ANGPT2: variants seen among roughly 807,000 people sequenced by gnomAD.
ANGPT2 encodes the protein angiopoietin-2.
ANGPT2 carries 28 observed loss-of-function variants against 62.9 expected under a neutral mutation model. The observed-to-expected ratio is 0.44, with a 90% CI of 0.33 to 0.61. ANGPT2 has a LOEUF of 0.61. ANGPT2 is among the 20% of genes least tolerant of loss of function. ANGPT2 has a pLI of 0.03. For synonymous variants in ANGPT2, 284 were observed against 207.8 expected (o/e 1.37, Z -3.15); for missense variants, 727 against 594.9 (o/e 1.22, Z -2.31).
intron 1 of ANGPT2, among the ~76,000 whole-genome samples, chr8:6,557,376 G>A (rs1226190959): frequency 6.6e-6 from 1 of 152,144 alleles, no homozygotes; most frequent in Non-Finnish European, 1.5e-5. Flanking sequence ...GGTGAGGTGT[G>A]GAAAGTGCTT....
intron 8 of ANGPT2, among the ~76,000 whole-genome samples, chr8:6,503,644 T>C (rs1812648215): frequency 6.6e-6 from 1 of 152,202 alleles, no homozygotes; most frequent in Non-Finnish European, 1.5e-5. Flanking sequence ...CCCAGCAACA[T>C]GGTGGGCTGG....
intron 5 of ANGPT2, among the ~76,000 whole-genome samples, chr8:6,515,909 T>C (rs1816179265): frequency 6.6e-6 from 1 of 152,188 alleles, no homozygotes; most frequent in South Asian, 2.1e-4. Flanking sequence ...ATTCCTGTTC[T>C]TTCATTTCCT....
chr8:6,538,102 A>G, intron 1 of ANGPT2, among the ~76,000 whole-genome samples: 1 of 152,000 alleles, frequency 6.6e-6, no homozygotes, highest in East Asian at 1.9e-4. Context: ...TCACACACAC[A>G]TACACGTTTT....
At chr8:6,538,124 G>A (rs1028194760) in intron 1 of ANGPT2, among the ~76,000 whole-genome samples, 1 of 151,702 alleles carries the variant, frequency 6.6e-6, no homozygotes. Context: ...CTATCCCAAT[G>A]ATCCATCCAT....
At chr8:6,526,308 C>T (rs776172671) in intron 3 of ANGPT2, among the ~76,000 whole-genome samples, 5 of 148,164 alleles carry the variant, frequency 3.4e-5, no homozygotes, top group African/African-American at 1.3e-4. Context: ...GTGACACATG[C>T]CTGTAGTCCC....
intron 1 of ANGPT2, among the ~76,000 whole-genome samples, chr8:6,533,285 C>T (rs1393992596): frequency 1.3e-5 from 2 of 152,200 alleles, no homozygotes; most frequent in Non-Finnish European, 2.9e-5. Flanking sequence ...CATTTCACTG[C>T]CATTGGTATA....
At position 6,521,428 on chromosome 8, in the gene ANGPT2, TGTTA is replaced by T. The variant is rs754117946; in HGVS notation, c.567-22_567-19del. ...CTAGGAAACTTGTAAGGAAAAGAAT[TGTTA>T]GTTAGTGAAGGCTATTCTAATGAAA... On this transcript the variant is annotated intron_variant, in intron 3 of 8. Coordinates refer to ENST00000629816, the MANE Select transcript of ANGPT2 (RefSeq NM_001118887.2). 223 of 1,535,920 alleles carry T rather than the reference TGTTA, an allele frequency of 1.5e-4. No homozygotes were observed. The highest frequency in any genetic ancestry group is 7.8e-4 in the African/African-American group (57 of 72,844).
chr8:6,550,541 C>G (rs998710038), intron 1 of ANGPT2, among the ~76,000 whole-genome samples: 1 of 152,208 alleles, frequency 6.6e-6, no homozygotes, highest in South Asian at 2.1e-4. Context: ...AGATTTTCCA[C>G]ATTTGTTCCC....
At chr8:6,505,887 A>G (rs1813575021) in intron 8 of ANGPT2, among the ~76,000 whole-genome samples, 1 of 121,966 alleles carries the variant, frequency 8.2e-6, no homozygotes, top group Non-Finnish European at 1.6e-5. Flanking sequence ...TTATATATGT[A>G]TATATAAAAA....
Position 6,527,673 on chromosome 8 carries a change from A to G in ANGPT2, c.448T>C (p.Leu150=), listed in dbSNP as rs773736929. 6 of 1,611,572 alleles carry G rather than the reference A, an allele frequency of 3.7e-6. No individual in the cohort carries two copies. Among genetic ancestry groups the G allele is most frequent in the Admixed American group, 3.3e-5 (2 of 59,746 alleles). The change falls in exon 3 of 9, where the codon TTA becomes CTA. Residue 150 remains leucine, a synonymous_variant. Transcript: ENST00000629816. ...RKLTDVEAQV[L]NQTTRLELQL... ...AGTTCAAGTCTCGTGGTCTGATTTA[A>G]TACCTAAATGTAACAAAATGAAGTT... is the stretch of plus-strand genomic sequence containing the variant.
Position 6,521,189 on chromosome 8 carries a change from G to A in ANGPT2, c.788C>T (p.Ser263Phe). ...ATATGTAAACTTACAGTTTGATGTG[G>A]ACATCATAGTCAGTAAGTTATTAAC... ...ETVNNLLTMM[S>F]TSNSKDPTVA... Residue 263 changes from serine to phenylalanine, a missense_variant, in exon 4 of 9, where the codon TCC becomes TTC. By Grantham distance (155) the Ser-to-Phe change is radical (BLOSUM62 -2). Coordinates refer to ENST00000629816, the MANE Select transcript of ANGPT2 (RefSeq NM_001118887.2). The A allele has an allele frequency of 6.2e-7, 1 of 1,612,154 alleles. No homozygotes were observed. The highest frequency in any genetic ancestry group is 1.7e-5 in the Admixed American group (1 of 60,020).
chr8:6,506,160 G>A lies in ANGPT2; in HGVS notation c.1327+2772C>T, dbSNP rs191175391. On this transcript the variant is annotated intron_variant, in intron 8 of 8. Coordinates refer to ENST00000629816, the MANE Select transcript of ANGPT2 (RefSeq NM_001118887.2). ...TGATTCAGGTGAATGCAGATTGGAC[G>A]GAAGTTTGCGTGTTCTATTCAGAAT... is the stretch of plus-strand genomic sequence containing the variant. Among the ~76,000 whole-genome samples, 82 of 151,486 alleles carry A rather than the reference G, an allele frequency of 5.4e-4. 1 individual carries two copies. The highest frequency in any genetic ancestry group is 1.9e-3 in the Admixed American group (29 of 15,198).
intron 1 of ANGPT2, 69 bp downstream of exon 1, chr8:6,562,578 T>TTTTTTTTTTTTTTTTAAA: frequency 6.1e-5 from 54 of 880,172 alleles, no homozygotes; most frequent in Non-Finnish European, 7.6e-5. Flanking sequence ...TTTTGGTTGT[T>TTTTTTTTTTTTTTTTAAA]AAAACCTGAG....
At chr8:6,527,782 C>A in intron 2 of ANGPT2, 106 bp from the exon 3 acceptor site, 2 of 1,061,804 alleles carry the variant, frequency 1.9e-6, no homozygotes, top group Non-Finnish European at 2.6e-6. Flanking sequence ...ATAACAAAAA[C>A]ATTATTTATT....
chr8:6,552,848 G>T (rs1272394806), intron 1 of ANGPT2, among the ~76,000 whole-genome samples: 1 of 151,404 alleles, frequency 6.6e-6, no homozygotes, highest in Non-Finnish European at 1.5e-5. Flanking sequence ...TTAAGTGAAA[G>T]AAGCCAGTCC....
At chr8:6,561,425 T>A (rs992606227) in intron 1 of ANGPT2, among the ~76,000 whole-genome samples, 19 of 152,338 alleles carry the variant, frequency 1.2e-4, no homozygotes, top group Non-Finnish European at 2.2e-4. Flanking sequence ...AGTCGTTTCC[T>A]CTCTGAAGGT....
In ANGPT2 at chr8:6,501,262, T is replaced by A. The variant is rs1301649104; in HGVS notation, c.*1839A>T. The A allele has an allele frequency of 6.6e-6, 1 of 152,000 alleles. No homozygotes were observed. Among genetic ancestry groups the A allele is most frequent in the Non-Finnish European group, 1.5e-5 (1 of 67,972 alleles). The allele number at this position is 152,000 out of a possible 1,614,324, so 9.4% of individuals were successfully genotyped here. A position where few individuals can be genotyped will look rare whatever the true frequency, so the allele number is the denominator to read the frequency against. On this transcript the variant is annotated 3_prime_UTR_variant, in exon 9 of 9. Transcript: ENST00000629816. ...AACTACGTCAAGTGGTGGGGAGAAG[T>A]TGGGGTAAAATAAATTAGATTTTGA...
At chr8:6,531,044 A>G (rs1246123639) in intron 2 of ANGPT2, among the ~76,000 whole-genome samples, 1 of 152,162 alleles carries the variant, frequency 6.6e-6, no homozygotes, top group East Asian at 1.9e-4. Flanking sequence ...GAAGCCACTG[A>G]CTTCAGAAGC....
chr8:6,516,755 T>C (rs1412609461), intron 5 of ANGPT2, among the ~76,000 whole-genome samples: 1 of 152,238 alleles, frequency 6.6e-6, no homozygotes, highest in East Asian at 1.9e-4. Context: ...GGTGAGCCTA[T>C]CCTTGTTCCA....
Sources: gnomAD v4.1 joint callset for allele counts (sites outside exome capture counted in the v4.1 genomes callset) on GRCh38, gnomAD v4.1.1 for gene constraint, MANE v1.5 for transcripts, NCBI Gene and HGNC (gene_info 2026-07-23, HGNC 2026-07-21) for gene names.